The following ADAMTSL1 variants were observed in gnomAD, a reference collection of about 807,000 sequenced individuals.
ADAMTSL1 encodes ADAMTS like 1, also known as ADAMTS-like protein 1.
ADAMTSL1 carries 126 observed loss-of-function variants against 201.8 expected under a neutral mutation model. The observed-to-expected ratio is 0.62, with a 90% CI of 0.54 to 0.72. ADAMTSL1 has a LOEUF of 0.72. Among genes scored for constraint, ADAMTSL1 ranks in the 30% least tolerant of loss-of-function variants. ADAMTSL1 has a pLI of 0.00. For synonymous variants in ADAMTSL1, 1,121 were observed against 903.4 expected (o/e 1.24, Z -4.32); for missense variants, 2,679 against 2,277.8 (o/e 1.18, Z -3.59).
rs375962882 is a variant in ADAMTSL1 at position 18,872,446 on chromosome 9, G to A, written c.4250-15385G>A. Among the ~76,000 whole-genome samples the A allele has an allele frequency of 7.9e-5, 12 of 152,250 alleles. 1 individual carries two copies. Among genetic ancestry groups the A allele is most frequent in the Admixed American group, 6.5e-4 (10 of 15,284 alleles). ...TTGGTGCACCCATCACCCAAGCAGTGTGCACTGTACCCAATGTGTAGTCTT... is the reference window on the plus strand; with the variant it reads ...TTGGTGCACCCATCACCCAAGCAGTATGCACTGTACCCAATGTGTAGTCTT... On this transcript the variant is annotated intron_variant, in intron 23 of 28. Coordinates refer to ENST00000380548, the MANE Select transcript of ADAMTSL1 (RefSeq NM_001040272.6).
intron 2 of ADAMTSL1, among the ~76,000 whole-genome samples, chr9:18,257,651 C>T (rs867860948): frequency 3.3e-5 from 5 of 152,294 alleles, no homozygotes; most frequent in Non-Finnish European, 5.9e-5. Flanking sequence ...CACAGAATTA[C>T]TTTATCATCC....
intron 7 of ADAMTSL1, among the ~76,000 whole-genome samples, chr9:18,640,758 T>C (rs1272566634): frequency 1.3e-5 from 2 of 152,038 alleles, no homozygotes; most frequent in African/African-American, 4.8e-5. Flanking sequence ...TCAGACTTCA[T>C]CCAAACTATC....
chr9:18,023,961 TTAAAG>T (rs1820587917), intron 1 of ADAMTSL1, among the ~76,000 whole-genome samples: 1 of 152,158 alleles, frequency 6.6e-6, no homozygotes, highest in East Asian at 1.9e-4. Context: ...AGATATTCAA[TTAAAG>T]TACTTTTCTT....
chr9:18,611,220 G>C (rs1050205590), intron 4 of ADAMTSL1, among the ~76,000 whole-genome samples: 5 of 152,190 alleles, frequency 3.3e-5, no homozygotes, highest in African/African-American at 1.2e-4. Flanking sequence ...GCCATGTGAA[G>C]TGAGGCCAAA....
At chr9:18,038,024 C>T (rs1375219911) in intron 1 of ADAMTSL1, among the ~76,000 whole-genome samples, 16 of 152,050 alleles carry the variant, frequency 1.1e-4, no homozygotes, top group Admixed American at 7.2e-4. Flanking sequence ...CGTGATGATA[C>T]GAGAAATCAA....
intron 1 of ADAMTSL1, among the ~76,000 whole-genome samples, chr9:18,013,315 A>G (rs552929631): frequency 6.6e-6 from 1 of 152,086 alleles, no homozygotes; most frequent in South Asian, 2.1e-4. Context: ...TTGGACTCCA[A>G]ATCAGATGCT....
At chr9:18,762,355 T>A (rs954521412) in intron 16 of ADAMTSL1, among the ~76,000 whole-genome samples, 1 of 152,098 alleles carries the variant, frequency 6.6e-6, no homozygotes, top group South Asian at 2.1e-4. Flanking sequence ...TTAAAAAAAA[T>A]ACCTATTTTA....
chr9:18,791,390 T>C (rs1822036673), intron 19 of ADAMTSL1, among the ~76,000 whole-genome samples: 1 of 152,174 alleles, frequency 6.6e-6, no homozygotes, highest in South Asian at 2.1e-4. Context: ...TAGTGGATTT[T>C]AAGAGAGAGG....
rs1825875204 is a variant in ADAMTSL1, at chr9:17,910,328, C to T, written c.87+3406C>T. 4.3e-5 allele frequency among the ~76,000 whole-genome samples: 3 copies of T among 69,070 alleles called. 1 individual carries two copies. The highest frequency in any genetic ancestry group is 8.9e-5 in the Non-Finnish European group (2 of 22,586). The allele number at this position is 69,070 out of a possible 152,430, so 45.3% of individuals were successfully genotyped here. A position where few individuals can be genotyped will look rare whatever the true frequency, so the allele number is the denominator to read the frequency against. The stretch of plus-strand genomic sequence containing the variant: ...AATACCTGCTCATATTTGGATCCAG[C>T]AAAGATGCTAAAAAGGAGCTTGTAG... On this transcript the variant is annotated intron_variant, in intron 1 of 29. Transcript: ENST00000680146.
At chr9:18,490,287 A>C (rs1314335860) in intron 1 of ADAMTSL1, among the ~76,000 whole-genome samples, 1 of 152,098 alleles carries the variant, frequency 6.6e-6, no homozygotes, top group Admixed American at 6.5e-5. Context: ...GAAGGAAGCT[A>C]CACAGCAGAA....
intron 4 of ADAMTSL1, among the ~76,000 whole-genome samples, chr9:18,587,864 C>G (rs933974240): frequency 1.3e-5 from 2 of 152,044 alleles, no homozygotes; most frequent in East Asian, 3.9e-4. Context: ...TGTGTCATAA[C>G]CATTTATTAA....
chr9:18,040,702 C>T (rs1284307329), intron 1 of ADAMTSL1, among the ~76,000 whole-genome samples: 2 of 151,960 alleles, frequency 1.3e-5, no homozygotes, highest in East Asian at 1.9e-4. Context: ...AGCTTACAAC[C>T]TGAATGGCTT....
At chr9:18,441,609 CAT>C (rs1819997543) in intron 2 of ADAMTSL1, among the ~76,000 whole-genome samples, 1 of 152,178 alleles carries the variant, frequency 6.6e-6, no homozygotes, top group South Asian at 2.1e-4. Context: ...GCTAAAGCCT[CAT>C]GTGTAATGTC....
chr9:18,622,684 C>T (rs1013612885), intron 5 of ADAMTSL1: 19 of 510,416 alleles, frequency 3.7e-5, no homozygotes, highest in Admixed American at 2.8e-4. Flanking sequence ...CCAGCTCCTG[C>T]GTGATGTGTA....
chr9:18,470,256 G>A (rs1192307438), upstream of ADAMTSL1, among the ~76,000 whole-genome samples: 1 of 152,154 alleles, frequency 6.6e-6, no homozygotes, highest in East Asian at 1.9e-4. Flanking sequence ...TATCACATTA[G>A]ATCATGTGTG....
chr9:18,198,181 T>A (rs1011914019), intron 2 of ADAMTSL1, among the ~76,000 whole-genome samples: 1 of 151,814 alleles, frequency 6.6e-6, no homozygotes, highest in African/African-American at 2.4e-5. Context: ...GCATTACCAT[T>A]CAGGACATAG....
intron 7 of ADAMTSL1, among the ~76,000 whole-genome samples, chr9:18,651,901 T>C (rs1202337408): frequency 6.9e-6 from 1 of 145,100 alleles, no homozygotes; most frequent in East Asian, 2.0e-4. Flanking sequence ...ATTTATTAAG[T>C]TTATAAAATT....
chr9:18,332,500 G>T (rs536705149), intron 2 of ADAMTSL1, among the ~76,000 whole-genome samples: 1 of 152,016 alleles, frequency 6.6e-6, no homozygotes, highest in Non-Finnish European at 1.5e-5. Context: ...ACTCAGGCTG[G>T]AATATAGTGT....
chr9:17,927,807 G>T (rs1168738303), intron 1 of ADAMTSL1, among the ~76,000 whole-genome samples: 1 of 151,896 alleles, frequency 6.6e-6, no homozygotes, highest in African/African-American at 2.4e-5. Context: ...TGTTCCTGGG[G>T]TGTCCTGGAG....
Sources: allele counts gnomAD v4.1 joint callset (sites outside exome capture counted in the v4.1 genomes callset), GRCh38; gene constraint gnomAD v4.1.1; transcripts MANE v1.5; gene names NCBI Gene and HGNC (gene_info 2026-07-23, HGNC 2026-07-21).